PTGFR: variants seen among roughly 807,000 people sequenced by gnomAD.
PTGFR encodes prostaglandin F2-alpha receptor.
PTGFR carries 15 observed loss-of-function variants against 26.2 expected under a neutral mutation model. That is an observed-to-expected ratio of 0.57 (90% confidence interval 0.38 to 0.88). The LOEUF (loss-of-function observed/expected upper bound fraction) is 0.88. Among genes scored for constraint, PTGFR ranks in the 40% least tolerant of loss-of-function variants. The pLI is 0.00. For synonymous variants in PTGFR, 165 were observed against 151.1 expected, an observed-to-expected ratio of 1.09 and a Z score of -0.68; for missense variants, 369 against 427.2, an observed-to-expected ratio of 0.86 and a Z score of 1.20.
rs1227335287 is a variant in PTGFR, at chr1:78,493,081, T to C, written c.338T>C (p.Ile113Thr). 3 of 1,614,126 alleles carry C rather than the reference T, an allele frequency of 1.9e-6. No individual in the cohort carries two copies. In the South Asian group the frequency reaches 3.3e-5, roughly 18 times the overall value. Reference protein sequence around the residue: ...QSNVLCSIFGICMVFSGLCPL... With the variant: ...QSNVLCSIFGTCMVFSGLCPL... Reference sequence around the variant, plus strand: ...AATGTCCTTTGCAGTATTTTTGGTATCTGCATGGTGTTTTCTGGTCTGTGC... The same window carrying C: ...AATGTCCTTTGCAGTATTTTTGGTACCTGCATGGTGTTTTCTGGTCTGTGC... Residue 113 changes from isoleucine (I) to threonine (T), a missense_variant, in exon 2 of 3, where the codon ATC becomes ACC. Transcript: ENST00000370757.
At chr1:78,506,136 T>C (rs116288411) in intron 2 of PTGFR, among the ~76,000 whole-genome samples, 3,278 of 152,296 alleles carry the variant, frequency 0.022, 49 homozygotes, top group Non-Finnish European at 0.034. Flanking sequence ...TGCACCATTT[T>C]CCATTCCTAA....
At chr1:78,509,505 T>C (rs1649912117) in intron 2 of PTGFR, among the ~76,000 whole-genome samples, 12 of 152,248 alleles carry the variant, frequency 7.9e-5, no homozygotes, top group Admixed American at 7.9e-4. Context: ...AGTATAAAAA[T>C]TTATTTCCAA....
chr1:78,538,835 A>C lies in PTGFR; in HGVS notation c.*2148A>C, dbSNP rs1477675636. 1 of 152,086 alleles carries C rather than the reference A, an allele frequency of 6.6e-6. No individual in the cohort carries two copies. Among genetic ancestry groups the C allele is most frequent in the African/African-American group, 2.4e-5 (1 of 41,454 alleles). 9.4% of individuals were successfully genotyped at this position (152,086 alleles called of 1,614,324 possible). A position where few individuals can be genotyped will look rare whatever the true frequency, so the allele number is the denominator to read the frequency against. ...TACCAATTTGAGTGTTTTCAGCTCT[A>C]TTTCAAAACTCATAACTAATCTTCA... On this transcript the variant is annotated 3_prime_UTR_variant, in exon 3 of 3. Transcript: ENST00000370757.
intron 2 of PTGFR, among the ~76,000 whole-genome samples, chr1:78,507,287 G>A (rs918932701): frequency 6.6e-6 from 1 of 152,084 alleles, no homozygotes; most frequent in East Asian, 1.9e-4. Context: ...GAGAATAATT[G>A]ATTATTCTCA....
At chr1:78,509,098 A>C (rs1030213439) in intron 2 of PTGFR, among the ~76,000 whole-genome samples, 1 of 152,212 alleles carries the variant, frequency 6.6e-6, no homozygotes, top group Non-Finnish European at 1.5e-5. Context: ...GACATTAAAA[A>C]AATTTTAATG....
chr1:78,493,588 T>C (rs1254254679), intron 2 of PTGFR, 47 bp downstream of exon 2: 2 of 1,483,800 alleles, frequency 1.3e-6, no homozygotes, highest in East Asian at 4.6e-5. Flanking sequence ...TTAATCCATG[T>C]TCAATTCAAG....
At chr1:78,507,792 A>C (rs1649862725) in intron 2 of PTGFR, among the ~76,000 whole-genome samples, 1 of 152,178 alleles carries the variant, frequency 6.6e-6, no homozygotes, top group Non-Finnish European at 1.5e-5. Context: ...CTGAAGTATG[A>C]AATTAGACTC....
intron 2 of PTGFR, among the ~76,000 whole-genome samples, chr1:78,499,642 C>T (rs2100354764): frequency 6.6e-6 from 1 of 152,270 alleles, no homozygotes; most frequent in South Asian, 2.1e-4. Context: ...GGGAGAAATT[C>T]TGTGTTCAGG....
chr1:78,511,607 C>T (rs1570281291), intron 2 of PTGFR, among the ~76,000 whole-genome samples: 1 of 152,222 alleles, frequency 6.6e-6, no homozygotes, highest in Non-Finnish European at 1.5e-5. Flanking sequence ...GCCTCAAAGA[C>T]TTCTGAAATG....
intron 2 of PTGFR, among the ~76,000 whole-genome samples, chr1:78,502,317 G>C (rs551703567): frequency 1.3e-5 from 2 of 152,276 alleles, no homozygotes; most frequent in African/African-American, 4.8e-5. Flanking sequence ...AAGCAATATA[G>C]TGTAGTGTTT....
chr1:78,531,203 T>G (rs747015532), intron 2 of PTGFR, among the ~76,000 whole-genome samples: 6 of 152,144 alleles, frequency 3.9e-5, no homozygotes, highest in African/African-American at 7.2e-5. Flanking sequence ...GATTAGTCAG[T>G]GAGTTTGATT....
In PTGFR at chr1:78,493,517, C is replaced by T. The variant is rs1374611438; in HGVS notation, c.774C>T (p.Ser258=). 5.2e-6 allele frequency: 8 copies of T among 1,548,748 alleles called. No individual in the cohort carries two copies. Among genetic ancestry groups the T allele is most frequent in the Middle Eastern group, 1.7e-4 (1 of 5,748 alleles). ...VIQLLAIMCV[S]CICWSPFLVT... is the part of the protein sequence containing the mutation. ...AGCTCCTGGCGATAATGTGTGTCTC[C>T]TGTATTTGTTGGAGCCCATTTCTGG... The change falls in exon 2 of 3, where the codon TCC becomes TCT. Residue 258 remains serine, a synonymous_variant. Transcript: ENST00000370757.
intron 2 of PTGFR, among the ~76,000 whole-genome samples, chr1:78,526,701 G>A (rs1334360171): frequency 6.6e-6 from 1 of 152,076 alleles, no homozygotes; most frequent in Non-Finnish European, 1.5e-5. Flanking sequence ...GCAATCCTTA[G>A]TCAGTGGCAT....
At chr1:78,495,952 C>T (rs755899205) in intron 2 of PTGFR, among the ~76,000 whole-genome samples, 43 of 152,310 alleles carry the variant, frequency 2.8e-4, no homozygotes, top group African/African-American at 9.6e-4. Flanking sequence ...GTGTCACCAA[C>T]GTATCAATAC....
At chr1:78,494,534 T>C (rs1649496224) in intron 2 of PTGFR, among the ~76,000 whole-genome samples, 1 of 152,220 alleles carries the variant, frequency 6.6e-6, no homozygotes, top group African/African-American at 2.4e-5. Flanking sequence ...AAGGTGCTTG[T>C]TACTAATGCA....
Position 78,536,576 on chromosome 1 carries a change from T to C in PTGFR, c.969T>C (p.Cys323=). ...TCTATAAGCTTGCCAGTCAATGCTG[T>C]GGAGTGCATGTCATCAGCTTACATA... ...KNLYKLASQC[C]GVHVISLHIW... The change falls in exon 3 of 3, where the codon TGT becomes TGC. Residue 323 remains cysteine, a synonymous_variant. Transcript: ENST00000370757. The C allele has an allele frequency of 6.2e-7, 1 of 1,613,396 alleles. No individual in the cohort carries two copies. Among genetic ancestry groups the C allele is most frequent in the South Asian group, 1.1e-5 (1 of 91,076 alleles).
intron 2 of PTGFR, among the ~76,000 whole-genome samples, chr1:78,526,127 C>T (rs1043373159): frequency 6.6e-6 from 1 of 152,038 alleles, no homozygotes; most frequent in Non-Finnish European, 1.5e-5. Flanking sequence ...TCCTGCCCAA[C>T]ATTGCAAGAA....
chr1:78,522,541 C>A (rs907892725), intron 2 of PTGFR, among the ~76,000 whole-genome samples: 2 of 152,040 alleles, frequency 1.3e-5, no homozygotes, highest in African/African-American at 4.8e-5. Flanking sequence ...AAAGCATATA[C>A]ACATGTATTA....
intron 2 of PTGFR, among the ~76,000 whole-genome samples, chr1:78,527,207 A>AT (rs1650393898): frequency 1.3e-5 from 2 of 152,140 alleles, no homozygotes; most frequent in East Asian, 3.9e-4. Context: ...TGTATACTGC[A>AT]TTGTAACATT....
Sources: gnomAD v4.1 joint callset for allele counts (sites outside exome capture counted in the v4.1 genomes callset) on GRCh38, gnomAD v4.1.1 for gene constraint, MANE v1.5 for transcripts, NCBI Gene and HGNC (gene_info 2026-07-23, HGNC 2026-07-21) for gene names.